NRXN2: variants seen among roughly 807,000 people sequenced by gnomAD.
The protein encoded by NRXN2 is neurexin-2-beta.
NRXN2 carries 29 observed loss-of-function variants against 128.8 expected under a neutral mutation model. The ratio of observed to expected loss-of-function variants is 0.23; its 90% CI spans 0.17 to 0.31. The LOEUF (loss-of-function observed/expected upper bound fraction) is 0.31. Ranked by LOEUF, NRXN2 falls within the 10% of genes least tolerant of loss-of-function variation. The pLI is 1.00. For missense variants in NRXN2, 1,881 were observed against 2,452.6 expected, an observed-to-expected ratio of 0.77 and a Z score of 4.92; for synonymous variants, 1,098 against 1,075.2, an observed-to-expected ratio of 1.02 and a Z score of -0.41.
intron 18 of NRXN2, among the ~76,000 whole-genome samples, chr11:64,634,317 C>T (rs189786559): frequency 2.2e-3 from 329 of 151,910 alleles, no homozygotes; most frequent in African/African-American, 7.1e-3. Context: ...GGCAAAGGCT[C>T]GGGATTGAGG....
At chr11:64,688,749 G>C in intron 5 of NRXN2, 1 of 985,308 alleles carries the variant, frequency 1.0e-6, no homozygotes, top group South Asian at 4.7e-5. Flanking sequence ...AGTGAATGTG[G>C]CTAGAGACTA....
rs1390482191 is a variant in NRXN2 at position 64,607,947 on chromosome 11, A to G, written c.4388T>C (p.Leu1463Pro). The G allele has an allele frequency of 7.2e-7, 1 of 1,393,330 alleles. No individual in the cohort carries two copies. Among genetic ancestry groups the G allele is most frequent in the Admixed American group, 2.3e-5 (1 of 44,150 alleles). 86.3% of individuals were successfully genotyped at this position (1,393,330 alleles called of 1,614,324 possible). A position where few individuals can be genotyped will look rare whatever the true frequency, so the allele number is the denominator to read the frequency against. ...LTGVGATQDT[L>P]PPPAARRPPS... ...CGGGCGGCGCGCGGCGGGCGGGGGCAGCGTGTCTTGGGTGGCGCCCACTCC... is the reference window on the plus strand; with the variant it reads ...CGGGCGGCGCGCGGCGGGCGGGGGCGGCGTGTCTTGGGTGGCGCCCACTCC... The change falls in exon 23 of 23, where the codon CTG (leucine) becomes CCG (proline). Residue 1463 changes from leucine to proline, a missense_variant. This residue lies in a region of NRXN2 where 310 missense variants were observed against 318.2 expected (regional missense o/e 0.97). Transcript: ENST00000265459.
intron 17 of NRXN2, chr11:64,642,444 G>T: frequency 6.8e-7 from 1 of 1,473,342 alleles, no homozygotes. Context: ...GGCGTGCACA[G>T]CTGGGGTGGG....
rs577796622 is a variant in NRXN2 at position 64,701,767 on chromosome 11, G to C, written c.731-3975C>G. On this transcript the variant is annotated intron_variant, in intron 2 of 22. Transcript: ENST00000265459. ...AAAGAAATAAATAAGCCCCGTCCGG[G>C]GGGGAAGTGGGGGGATCAGCCCCCC... is the stretch of plus-strand genomic sequence containing the variant. Among the ~76,000 whole-genome samples, 619 of 152,332 alleles carry C rather than the reference G, an allele frequency of 4.1e-3. 2 individuals carry two copies. The highest frequency in any genetic ancestry group is 6.2e-3 in the Non-Finnish European group (419 of 68,018).
intron 7 of NRXN2, among the ~76,000 whole-genome samples, chr11:64,669,730 T>C (rs918515230): frequency 2.0e-5 from 3 of 151,718 alleles, no homozygotes; most frequent in African/African-American, 4.8e-5. Context: ...CCCAGAAAGG[T>C]TGTGGGAGAA....
intron 17 of NRXN2, chr11:64,642,665 C>T (rs1318538390): frequency 1.3e-6 from 2 of 1,575,786 alleles, no homozygotes; most frequent in Non-Finnish European, 1.7e-6. Context: ...CCCTCGGCCG[C>T]CCCCAGCAGC....
At chr11:64,668,878 C>T (rs2050249053) in intron 7 of NRXN2, among the ~76,000 whole-genome samples, 1 of 152,184 alleles carries the variant, frequency 6.6e-6, no homozygotes, top group African/African-American at 2.4e-5. Flanking sequence ...GGAGAGCTCC[C>T]CATGAGGTCC....
At chr11:64,643,291 T>C (rs1591729887) in intron 17 of NRXN2, 5 of 942,790 alleles carry the variant, frequency 5.3e-6, no homozygotes, top group Non-Finnish European at 6.1e-6. Flanking sequence ...CGACGGCGAC[T>C]GGGGCCGGCC....
Position 64,606,613 on chromosome 11 carries a change from C to G in NRXN2, c.*583G>C, listed in dbSNP as rs1426082399. 1 of 147,454 alleles carries G rather than the reference C, an allele frequency of 6.8e-6. No homozygotes were observed. Among genetic ancestry groups the G allele is most frequent in the Admixed American group, 6.7e-5 (1 of 14,890 alleles). The allele number at this position is 147,454 out of a possible 1,614,324, so 9.1% of individuals were successfully genotyped here. A position where few individuals can be genotyped will look rare whatever the true frequency, so the allele number is the denominator to read the frequency against. ...CACTTGCCCCACCCCACCCCACCCA[C>G]CCACTGGGCCACTCGGGCCCACCCT... On this transcript the variant is annotated 3_prime_UTR_variant, in exon 23 of 23. Transcript: ENST00000265459.
At chr11:64,671,503 C>CCA (rs1328704089) in intron 7 of NRXN2, among the ~76,000 whole-genome samples, 4 of 152,172 alleles carry the variant, frequency 2.6e-5, no homozygotes, top group Non-Finnish European at 5.9e-5. Context: ...AACCTCCCCC[C>CCA]CACGCATCTT....
intron 2 of NRXN2, among the ~76,000 whole-genome samples, chr11:64,708,020 C>T (rs1390667558): frequency 6.6e-6 from 1 of 152,022 alleles, no homozygotes; most frequent in Non-Finnish European, 1.5e-5. Flanking sequence ...TTTGCTTGAA[C>T]CCGGAAGGCA....
chr11:64,704,505 T>C (rs1180771732), intron 2 of NRXN2, among the ~76,000 whole-genome samples: 1 of 151,974 alleles, frequency 6.6e-6, no homozygotes, highest in Non-Finnish European at 1.5e-5. Context: ...CATTTTCTCA[T>C]AGGACCTCTC....
At position 64,648,760 on chromosome 11, in the gene NRXN2, A is replaced by G. The variant is rs147204538; in HGVS notation, c.3257T>C (p.Ile1086Thr). 83 of 1,613,888 alleles carry G rather than the reference A, an allele frequency of 5.1e-5. No individual in the cohort carries two copies. Among genetic ancestry groups the G allele is most frequent in the Admixed American group, 1.8e-4 (11 of 59,988 alleles). Residue 1086 changes from isoleucine to threonine, a missense_variant, in exon 16 of 23, where the codon ATT becomes ACT. Transcript: ENST00000265459. This position sits in a 1 kb window ranked among gnomAD's most constrained non-coding sequence, Gnocchi z 4.1. ...ATCACAGCCCCTCTCCACCTGCCCA[A>G]TGCGGTGCAGGGCGTCGGCGATGAG... ...PDLIADALHR[I>T]GQVERGCDGP... is the part of the protein sequence containing the mutation.
In NRXN2 at chr11:64,607,674, GA is replaced by G; in HGVS notation, c.4660del (p.Ser1554ProfsTer12). The G allele has an allele frequency of 6.5e-7, 1 of 1,532,548 alleles. No individual in the cohort carries two copies. The highest frequency in any genetic ancestry group is 8.8e-7 in the Non-Finnish European group (1 of 1,136,054). The allele number at this position is 1,532,548 out of a possible 1,614,324, so 94.9% of individuals were successfully genotyped here. ...TGAPGVLFAP[S>X]APAPNLPAGK... ...CGCCGGCAGGTTGGGGGCCGGGGCG[GA>G]GGGGGCAAACAGCACCCCAGGGGCG... On this transcript the variant is annotated frameshift_variant, in exon 23 of 23. Coordinates refer to ENST00000265459, the MANE Select transcript of NRXN2 (RefSeq NM_015080.4). LOFTEE classifies it low-confidence loss of function (END_TRUNC).
chr11:64,662,577 C>G (rs980057889), intron 9 of NRXN2, among the ~76,000 whole-genome samples: 1 of 151,932 alleles, frequency 6.6e-6, no homozygotes, highest in African/African-American at 2.4e-5. Flanking sequence ...GTCAGGAGAT[C>G]GAGACCATCC....
intron 11 of NRXN2, among the ~76,000 whole-genome samples, chr11:64,657,816 T>C (rs2048479998): frequency 6.6e-6 from 1 of 152,128 alleles, no homozygotes; most frequent in Non-Finnish European, 1.5e-5. Flanking sequence ...GGTCACAGAT[T>C]GTCAGGAGTC....
intron 6 of NRXN2, among the ~76,000 whole-genome samples, chr11:64,683,568 C>T (rs1157478117): frequency 6.7e-6 from 1 of 149,702 alleles, no homozygotes; most frequent in Admixed American, 6.7e-5. Flanking sequence ...TGGAGTGAGC[C>T]GAGATCACGC....
rs986155838 is a variant in NRXN2 at position 64,651,965 on chromosome 11, C to G, written c.2536+70G>C. The G allele has an allele frequency of 2.5e-6, 4 of 1,599,508 alleles. No individual in the cohort carries two copies. The highest frequency in any genetic ancestry group is 3.4e-6 in the Non-Finnish European group (4 of 1,177,956). ...TAGGAATGGCAGCCCAGGCAGTAGT[C>G]ACCAAGTAGAACAGGGCCAAGCATA... is the stretch of plus-strand genomic sequence containing the variant. On this transcript the variant is annotated intron_variant, in intron 13 of 22. Transcript: ENST00000265459. The surrounding 1 kb of genome is among the most constrained non-coding windows in gnomAD (Gnocchi z 5.9).
rs545841197 is a variant in NRXN2, at chr11:64,638,140, C to A, written c.3404-2688G>T. ...CAAGCGTGGGACAGGGCGCACGCGT[C>A]CCCGCCCCCGAGGCCCGCGGCGCAC... is the stretch of plus-strand genomic sequence containing the variant. On this transcript the variant is annotated intron_variant, in intron 17 of 22. Coordinates refer to ENST00000265459, the MANE Select transcript of NRXN2 (RefSeq NM_015080.4). Among the ~76,000 whole-genome samples, 22 of 152,296 alleles carry A rather than the reference C, an allele frequency of 1.4e-4. 2 individuals carry two copies. The East Asian group carries it at 1.5e-3, about 11-fold the overall frequency.
Sources: gnomAD v4.1 joint callset for allele counts (sites outside exome capture counted in the v4.1 genomes callset) on GRCh38, gnomAD v4.1.1 for gene constraint, gnomAD v4.1.1 regional missense constraint, Gnocchi (gnomAD v3.1) non-coding constraint, MANE v1.5 for transcripts, NCBI Gene and HGNC (gene_info 2026-07-23, HGNC 2026-07-21) for gene names.